The following DNAH11 variants were observed in gnomAD, a reference collection of about 807,000 sequenced individuals.
DNAH11 encodes the protein dynein axonemal heavy chain 11.
A neutral mutation model predicts 526.0 loss-of-function variants in DNAH11; 442 were observed. The observed-to-expected ratio is 0.84, with a 90% confidence interval of 0.78 to 0.91. The LOEUF is 0.91. Among genes scored for constraint, DNAH11 ranks in the 40% least tolerant of loss-of-function variants. The probability of loss-of-function intolerance (pLI) is 0.00; values close to 1 mark genes in which losing one functional copy is unlikely to be tolerated. For missense variants in DNAH11, 6,989 were observed against 5,448.7 expected, an observed-to-expected ratio of 1.28 and a Z score of -8.90; for synonymous variants, 2,461 against 1,935.9, an observed-to-expected ratio of 1.27 and a Z score of -7.12.
intron 61 of DNAH11, among the ~76,000 whole-genome samples, chr7:21,798,309 C>T (rs139921195): frequency 1.3e-4 from 20 of 152,186 alleles, no homozygotes; most frequent in East Asian, 5.8e-4. Context: ...CTGGCCAAGC[C>T]GATCTTGAAG....
At chr7:21,722,222 A>G (rs1006759970) in intron 44 of DNAH11, among the ~76,000 whole-genome samples, 1 of 152,214 alleles carries the variant, frequency 6.6e-6, no homozygotes, top group African/African-American at 2.4e-5. Context: ...CAGAGGGGCA[A>G]AGTAACTTGC....
Position 21,900,073 on chromosome 7 carries a change from G to T in DNAH11, c.13256G>T (p.Gly4419Val). Residue 4419 changes from glycine (G) to valine (V), a missense_variant, in exon 81 of 82, where the codon GGA becomes GTA. Gly to Val is a moderately radical substitution (Grantham distance 109). Coordinates refer to ENST00000409508, the MANE Select transcript of DNAH11 (RefSeq NM_001277115.2). ...ACCAAAAAAACAAAGGAAGATTATG[G>T]ACACCCGCCAAGGGAAGGTGCATAC... ...DVTKKTKEDY[G>V]HPPREGAYLH... 1 of 1,613,928 alleles carries T rather than the reference G, an allele frequency of 6.2e-7. No individual in the cohort carries two copies. The highest frequency in any genetic ancestry group is 8.5e-7 in the Non-Finnish European group (1 of 1,179,850).
chr7:21,656,938 A>G (rs758066319), intron 29 of DNAH11, among the ~76,000 whole-genome samples: 3 of 152,174 alleles, frequency 2.0e-5, no homozygotes, highest in African/African-American at 7.2e-5. Context: ...AACTCTCTTG[A>G]CAAAAGTGTG....
At chr7:21,739,472 A>G (rs977332130) in intron 47 of DNAH11, 99 bp from the exon 48 acceptor site, 5 of 806,070 alleles carry the variant, frequency 6.2e-6, no homozygotes, top group Admixed American at 2.6e-5. Flanking sequence ...TTATGAAGAT[A>G]AGGAGGTAAT....
chr7:21,790,788 C>T (rs80299290), intron 61 of DNAH11, among the ~76,000 whole-genome samples: 35 of 152,038 alleles, frequency 2.3e-4, no homozygotes, highest in Middle Eastern at 3.4e-3. Context: ...AATGTTTTGG[C>T]GAGTATGAGG....
chr7:21,877,874 C>CAAAAAAAAAAAAAAAAAAAAAAAAAAAA (rs59694030), intron 74 of DNAH11, among the ~76,000 whole-genome samples: 1 of 66,608 alleles, frequency 1.5e-5, no homozygotes, highest in Non-Finnish European at 2.5e-5. Flanking sequence ...GACTCCATCT[C>CAAAAAAAAAAAAAAAAAAAAAAAAAAAA]AAAAAAAAAA....
At chr7:21,845,039 C>T (rs1782363032) in intron 66 of DNAH11, among the ~76,000 whole-genome samples, 1 of 152,094 alleles carries the variant, frequency 6.6e-6, no homozygotes, top group Non-Finnish European at 1.5e-5. Flanking sequence ...GTAATCAAGG[C>T]ACCACCAGAC....
At chr7:21,865,962 G>A (rs980654057) in intron 70 of DNAH11, among the ~76,000 whole-genome samples, 1 of 152,180 alleles carries the variant, frequency 6.6e-6, no homozygotes, top group Non-Finnish European at 1.5e-5. Context: ...TAGCAGTGAG[G>A]ACAACCAGAG....
At chr7:21,698,458 C>A (rs1237747575) in intron 36 of DNAH11, among the ~76,000 whole-genome samples, 1 of 152,006 alleles carries the variant, frequency 6.6e-6, no homozygotes, top group Admixed American at 6.6e-5. Flanking sequence ...AGTCTTTTAT[C>A]CCTCACCCAC....
rs531576263 is a variant in DNAH11 at position 21,587,601 on chromosome 7, A to G, written c.1711-463A>G. Among the ~76,000 whole-genome samples, 11 of 152,266 alleles carry G rather than the reference A, an allele frequency of 7.2e-5. No homozygotes were observed. In the East Asian group the frequency reaches 1.7e-3, roughly 24 times the overall value. On this transcript the variant is annotated intron_variant, in intron 9 of 81. Transcript: ENST00000409508. ...TGTGGATGTACCAGCGGCCATAGGC[A>G]TGCAGTCATGGTGACTGGCACATCT...
intron 61 of DNAH11, among the ~76,000 whole-genome samples, chr7:21,796,922 A>G (rs894504844): frequency 3.3e-5 from 5 of 152,172 alleles, no homozygotes; most frequent in African/African-American, 4.8e-5. Flanking sequence ...TTTACAAACA[A>G]TGATTAGTAA....
At chr7:21,872,401 C>T (rs1233471233) in intron 73 of DNAH11, among the ~76,000 whole-genome samples, 1 of 152,050 alleles carries the variant, frequency 6.6e-6, no homozygotes, top group African/African-American at 2.4e-5. Flanking sequence ...TATTTTGTTC[C>T]ATGTTTGCCC....
chr7:21,805,822 A>G (rs1435570574), intron 62 of DNAH11, among the ~76,000 whole-genome samples: 2 of 152,226 alleles, frequency 1.3e-5, no homozygotes, highest in Admixed American at 1.3e-4. Context: ...TTAATTGAAG[A>G]TGTCAGATCT....
At position 21,717,737 on chromosome 7, in the gene DNAH11, C is replaced by G. The variant is rs772015157; in HGVS notation, c.6984-38C>G. On this transcript the variant is annotated intron_variant, in intron 42 of 81. Coordinates refer to ENST00000409508, the MANE Select transcript of DNAH11 (RefSeq NM_001277115.2). ...CTTGGTGAAATTCTGCTTTTCAAGC[C>G]TAGTGTTCAATAAAAGCTTTTCTGT... The G allele has an allele frequency of 2.5e-6, 4 of 1,611,188 alleles. No individual in the cohort carries two copies. In the South Asian group the frequency reaches 4.4e-5, roughly 18 times the overall value.
chr7:21,729,811 C>G (rs897572434), intron 45 of DNAH11, among the ~76,000 whole-genome samples: 8 of 152,318 alleles, frequency 5.3e-5, no homozygotes, highest in African/African-American at 1.9e-4. Context: ...TTGCCTGCAC[C>G]TTAAAACTAT....
At chr7:21,689,572 A>G (rs2919227) in intron 34 of DNAH11, among the ~76,000 whole-genome samples, 106,963 of 152,204 alleles carry the variant, frequency 0.7, 37,776 homozygotes, top group African/African-American at 0.76. Flanking sequence ...CAATGGGAGA[A>G]GAGGCAGTTA....
At chr7:21,546,758 C>T (rs1782819631) in intron 2 of DNAH11, among the ~76,000 whole-genome samples, 1 of 152,176 alleles carries the variant, frequency 6.6e-6, no homozygotes, top group South Asian at 2.1e-4. Context: ...CTTACCAAGA[C>T]ATAAAGAAAA....
At position 21,720,873 on chromosome 7, in the gene DNAH11, T is replaced by C; in HGVS notation, c.7266+17T>C. ...CAAGATCAGGTATGTTTAGAAATAG[T>C]TTACAGGACCAGTTTCCAGTTTTGT... On this transcript the variant is annotated intron_variant, in intron 44 of 81. Coordinates refer to ENST00000409508, the MANE Select transcript of DNAH11 (RefSeq NM_001277115.2). 1 of 1,608,618 alleles carries C rather than the reference T, an allele frequency of 6.2e-7. No individual in the cohort carries two copies. The highest frequency in any genetic ancestry group is 2.2e-5 in the East Asian group (1 of 44,686).
chr7:21,769,327 G>A (rs1334335181), intron 55 of DNAH11, among the ~76,000 whole-genome samples: 1 of 152,122 alleles, frequency 6.6e-6, no homozygotes, highest in Non-Finnish European at 1.5e-5. Flanking sequence ...TCAGTTGAAG[G>A]TGTAATTGAC....
Sources: gnomAD v4.1 joint callset for allele counts (sites outside exome capture counted in the v4.1 genomes callset) on GRCh38, gnomAD v4.1.1 for gene constraint, MANE v1.5 for transcripts, NCBI Gene and HGNC (gene_info 2026-07-23, HGNC 2026-07-21) for gene names.